Variants in MGAT4C observed in about 807,000 individuals in gnomAD.
MGAT4C encodes the protein alpha-1,3-mannosyl-glycoprotein 4-beta-N-acetylglucosaminyltransferase C.
A neutral mutation model predicts 40.1 loss-of-function variants in MGAT4C; 19 were observed. The ratio of observed to expected loss-of-function variants is 0.47; its 90% CI spans 0.33 to 0.70. MGAT4C has a LOEUF of 0.70. MGAT4C is among the 30% of genes least tolerant of loss of function. The pLI, the probability that MGAT4C is intolerant of heterozygous loss-of-function variation, is 0.02. For synonymous variants in MGAT4C, 181 were observed against 187.1 expected (o/e 0.97, Z 0.27); for missense variants, 491 against 563.2 (o/e 0.87, Z 1.30).
chr12:86,509,554 G>A (rs1475540208), intron 2 of MGAT4C, among the ~76,000 whole-genome samples: 3 of 151,944 alleles, frequency 2.0e-5, no homozygotes, highest in African/African-American at 7.3e-5. Context: ...GCTCTTTTTT[G>A]GTTCCATATG....
At chr12:86,779,080 C>G (rs1157300477) in intron 1 of MGAT4C, among the ~76,000 whole-genome samples, 1 of 151,052 alleles carries the variant, frequency 6.6e-6, no homozygotes, top group Non-Finnish European at 1.5e-5. Context: ...CCAGAAAACG[C>G]ACAGCTGGTA....
At chr12:86,208,776 C>T (rs1950352775) in intron 1 of MGAT4C, among the ~76,000 whole-genome samples, 1 of 151,994 alleles carries the variant, frequency 6.6e-6, no homozygotes, top group Non-Finnish European at 1.5e-5. Flanking sequence ...TATCTGGATT[C>T]AACATAATCC....
chr12:86,763,009 T>A (rs561647580), intron 1 of MGAT4C, among the ~76,000 whole-genome samples: 50 of 152,318 alleles, frequency 3.3e-4, no homozygotes, highest in Admixed American at 1.3e-3. Flanking sequence ...ATGTACCTTA[T>A]TGCATTTTCT....
chr12:85,985,417 T>G (rs2136701777), intron 3 of MGAT4C, among the ~76,000 whole-genome samples: 1 of 152,332 alleles, frequency 6.6e-6, no homozygotes. Flanking sequence ...TGGTCCTTAC[T>G]AAATCAAGAT....
chr12:86,574,587 C>A (rs1960490086), intron 2 of MGAT4C, among the ~76,000 whole-genome samples: 1 of 151,616 alleles, frequency 6.6e-6, no homozygotes, highest in Non-Finnish European at 1.5e-5. Context: ...TATATGGATG[C>A]ATGATTAAAT....
chr12:86,100,156 T>C (rs543589786), intron 1 of MGAT4C, among the ~76,000 whole-genome samples: 119 of 151,636 alleles, frequency 7.8e-4, no homozygotes, highest in African/African-American at 2.6e-3. Context: ...AGAAATTTTT[T>C]ATCCTAATGT....
At chr12:86,220,947 C>CA (rs1166746168) in intron 1 of MGAT4C, among the ~76,000 whole-genome samples, 1 of 152,164 alleles carries the variant, frequency 6.6e-6, no homozygotes, top group Non-Finnish European at 1.5e-5. Context: ...GACTCTACTA[C>CA]AAAGGCTACA....
rs145493042 is a variant in MGAT4C at position 85,960,648 on chromosome 12, A to T, written c.*18641T>A. On this transcript the variant is annotated 3_prime_UTR_variant, in exon 5 of 5. Transcript: ENST00000611864. ...GTTGCATTATCCTCTCCTTGGAAAT[A>T]TCTTTCAAAGTGGGTAATGAGAAAA... 174 of 152,096 alleles carry T rather than the reference A, an allele frequency of 1.1e-3. 1 individual carries two copies. Among genetic ancestry groups the T allele is most frequent in the African/African-American group, 4.0e-3 (168 of 41,548 alleles). The allele number at this position is 152,096 out of a possible 1,614,324, so 9.4% of individuals were successfully genotyped here.
intron 2 of MGAT4C, among the ~76,000 whole-genome samples, chr12:86,472,366 T>C (rs1341295626): frequency 6.6e-6 from 1 of 152,192 alleles, no homozygotes; most frequent in African/African-American, 2.4e-5. Context: ...AGGTTTCCTG[T>C]CTTTAGCAAA....
At chr12:86,575,089 C>G (rs576725531) in intron 2 of MGAT4C, among the ~76,000 whole-genome samples, 28 of 151,764 alleles carry the variant, frequency 1.8e-4, no homozygotes, top group African/African-American at 6.7e-4. Context: ...AACATAAACA[C>G]AAATAATCTC....
chr12:86,203,766 TGAC>T (rs1257476713), intron 1 of MGAT4C, among the ~76,000 whole-genome samples: 1 of 151,830 alleles, frequency 6.6e-6, no homozygotes, highest in Non-Finnish European at 1.5e-5. Context: ...GAGACCAGAC[TGAC>T]CAACGTGGTG....
intron 1 of MGAT4C, among the ~76,000 whole-genome samples, chr12:86,820,882 T>A (rs185928586): frequency 2.1e-4 from 31 of 150,962 alleles, no homozygotes; most frequent in Non-Finnish European, 3.0e-5. Context: ...CTATTTTGCA[T>A]CCATAGCATG....
Position 85,978,782 on chromosome 12 carries a change from A to G in MGAT4C, c.*507T>C, listed in dbSNP as rs1236898404. ...AAAATTATGTAAAGACACCACTTCTATGAGGAGGTATTCATTGTAGATGTA... is the reference window on the plus strand; with the variant it reads ...AAAATTATGTAAAGACACCACTTCTGTGAGGAGGTATTCATTGTAGATGTA... On this transcript the variant is annotated 3_prime_UTR_variant, in exon 5 of 5. Transcript: ENST00000611864. 1 of 151,700 alleles carries G rather than the reference A, an allele frequency of 6.6e-6. No individual in the cohort carries two copies. Among genetic ancestry groups the G allele is most frequent in the Non-Finnish European group, 1.5e-5 (1 of 67,728 alleles). The allele number at this position is 151,700 out of a possible 1,614,324, so 9.4% of individuals were successfully genotyped here. A position where few individuals can be genotyped will look rare whatever the true frequency, so the allele number is the denominator to read the frequency against.
intron 2 of MGAT4C, among the ~76,000 whole-genome samples, chr12:86,605,542 A>G (rs1593036857): frequency 6.6e-6 from 1 of 152,162 alleles, no homozygotes. Flanking sequence ...TTCCATAACT[A>G]ACTCTCGATT....
At position 85,980,579 on chromosome 12, in the gene MGAT4C, A is replaced by G; in HGVS notation, c.296-149T>C. On this transcript the variant is annotated intron_variant, in intron 4 of 4. Coordinates refer to ENST00000611864, the MANE Select transcript of MGAT4C (RefSeq NM_001351288.2). ...TATGCACAGAACATTTTATGATTAA[A>G]GTAATAAGCTAAATATATAAAGGCT... is the stretch of plus-strand genomic sequence containing the variant. The G allele has an allele frequency of 2.6e-5, 17 of 657,592 alleles. No individual in the cohort carries two copies. The South Asian group carries it at 4.4e-4, about 17-fold the overall frequency. 40.7% of individuals were successfully genotyped at this position (657,592 alleles called of 1,614,324 possible). A position where few individuals can be genotyped will look rare whatever the true frequency, so the allele number is the denominator to read the frequency against.
chr12:86,233,127 G>A (rs1951397145), intron 1 of MGAT4C, among the ~76,000 whole-genome samples: 1 of 152,198 alleles, frequency 6.6e-6, no homozygotes, highest in South Asian at 2.1e-4. Context: ...TGTATCATAT[G>A]TAGTGTTACG....
chr12:86,827,521 C>G lies in MGAT4C; in HGVS notation c.-262+11145G>C, dbSNP rs540472111. The stretch of plus-strand genomic sequence containing the variant: ...GTATACTTGTAGATTTAGATGGAGT[C>G]GAAAATGTGACAATGAATGAAACTG... On this transcript the variant is annotated intron_variant, in intron 1 of 7. Transcript: ENST00000548651. Among the ~76,000 whole-genome samples, 12 of 150,878 alleles carry G rather than the reference C, an allele frequency of 8.0e-5. No homozygotes were observed. The East Asian group carries it at 1.2e-3, about 15-fold the overall frequency.
At chr12:86,702,948 C>A (rs1338515719) in intron 2 of MGAT4C, among the ~76,000 whole-genome samples, 1 of 152,180 alleles carries the variant, frequency 6.6e-6, no homozygotes, top group East Asian at 1.9e-4. Flanking sequence ...GCACTAAGAA[C>A]ATTTATGATT....
At chr12:85,989,705 A>G (rs1257374335) in intron 2 of MGAT4C, among the ~76,000 whole-genome samples, 153 bp from the exon 3 acceptor site, 2 of 152,086 alleles carry the variant, frequency 1.3e-5, no homozygotes, top group Non-Finnish European at 2.9e-5. Flanking sequence ...GTTGGCACAG[A>G]TCATTAATTA....
Sources: allele counts gnomAD v4.1 joint callset (sites outside exome capture counted in the v4.1 genomes callset), GRCh38; gene constraint gnomAD v4.1.1; transcripts MANE v1.5; gene names NCBI Gene and HGNC (gene_info 2026-07-23, HGNC 2026-07-21).